The following ACSS2 variants were observed in gnomAD, a reference collection of about 807,000 sequenced individuals.
ACSS2 encodes acetyl-coenzyme A synthetase, cytoplasmic.
Under a neutral mutation model 90.6 loss-of-function variants are expected in ACSS2, and 58 were observed. The ratio of observed to expected loss-of-function variants is 0.64; its 90% CI spans 0.52 to 0.80. ACSS2 has a LOEUF of 0.80. Among genes scored for constraint, ACSS2 ranks in the 30% least tolerant of loss-of-function variants. The pLI, the probability that ACSS2 is intolerant of heterozygous loss-of-function variation, is 0.00. For synonymous variants in ACSS2, 300 were observed against 330.9 expected (o/e 0.91, Z 1.01); for missense variants, 759 against 912.0 (o/e 0.83, Z 2.16).
chr20:34,899,316 C>T (rs1365232635), intron 2 of ACSS2, among the ~76,000 whole-genome samples: 3 of 152,268 alleles, frequency 2.0e-5, no homozygotes, highest in Non-Finnish European at 4.4e-5. Context: ...GCAGAGGAGG[C>T]GCCGAGAGCG....
intron 7 of ACSS2, among the ~76,000 whole-genome samples, chr20:34,918,961 T>C (rs1324111030): frequency 1.3e-5 from 2 of 152,190 alleles, no homozygotes. Context: ...TTTCACCTCC[T>C]TCATAGATGT....
rs1334417796 is a variant in ACSS2, at chr20:34,899,419, TTTCTTTCCTTCC to T, written c.375-13673_375-13662del. ...CTTTCTTTCCTTCTTTCTTTCTTTC[TTTCTTTCCTTCC>T]TTCCTTCCTTCCTTCCTTCCTTCCT... On this transcript the variant is annotated intron_variant, in intron 2 of 17. Coordinates refer to ENST00000360596, the MANE Select transcript of ACSS2 (RefSeq NM_018677.4). 2.2e-4 allele frequency among the ~76,000 whole-genome samples: 14 copies of T among 64,978 alleles called. No individual in the cohort carries two copies. In the East Asian group the frequency reaches 5.1e-3, roughly 24 times the overall value. 42.6% of individuals were successfully genotyped at this position (64,978 alleles called of 152,430 possible). A position where few individuals can be genotyped will look rare whatever the true frequency, so the allele number is the denominator to read the frequency against.
At chr20:34,880,404 C>G (rs562151002) in intron 1 of ACSS2, among the ~76,000 whole-genome samples, 1 of 150,444 alleles carries the variant, frequency 6.6e-6, no homozygotes, top group African/African-American at 2.5e-5. Flanking sequence ...AAACAATGTG[C>G]GCCTGTAGTT....
In ACSS2 at chr20:34,915,277, G is replaced by A. The variant is rs181328971; in HGVS notation, c.834+840G>A. On this transcript the variant is annotated intron_variant, in intron 7 of 17. Transcript: ENST00000360596. Reference sequence around the variant, plus strand: ...CCCAGGTATCCATTTCTGCACTGCCGTGGGCACCGCTTCTCTGTTTGCTTG... The same window carrying A: ...CCCAGGTATCCATTTCTGCACTGCCATGGGCACCGCTTCTCTGTTTGCTTG... 3.4e-4 allele frequency: 543 copies of A among 1,613,758 alleles called. 4 individuals are homozygous for A. In the African/African-American group the frequency reaches 5.4e-3, roughly 16 times the overall value.
At chr20:34,915,963 T>A (rs2081069025) in intron 7 of ACSS2, among the ~76,000 whole-genome samples, 1 of 152,156 alleles carries the variant, frequency 6.6e-6, no homozygotes, top group Non-Finnish European at 1.5e-5. Context: ...AATGGAGAGA[T>A]GATAACACAT....
rs981928222 is a variant in ACSS2 at position 34,905,418 on chromosome 20, G to A, written c.375-7678G>A. ...CTCCCGAGTAGCTGGGACTACAGGC[G>A]CCCGCCACCACCCCCGGCTAATTTT... On this transcript the variant is annotated intron_variant, in intron 2 of 17. Transcript: ENST00000360596. 3.3e-5 allele frequency among the ~76,000 whole-genome samples: 5 copies of A among 152,006 alleles called. No individual in the cohort carries two copies. The East Asian group carries it at 5.8e-4, about 18-fold the overall frequency.
intron 2 of ACSS2, among the ~76,000 whole-genome samples, chr20:34,911,249 A>G (rs2378293): frequency 0.55 from 81,675 of 148,792 alleles, 22,973 homozygotes; most frequent in South Asian, 0.74. Flanking sequence ...GTACAGTGGC[A>G]CAATCTTGGC....
At chr20:34,923,779 CA>C (rs893577098) in intron 14 of ACSS2, among the ~76,000 whole-genome samples, 4 of 151,864 alleles carry the variant, frequency 2.6e-5, no homozygotes, top group African/African-American at 7.3e-5. Flanking sequence ...AGTACAGCAC[CA>C]AGCCATTCAT....
At position 34,914,315 on chromosome 20, in the gene ACSS2, T is replaced by A; in HGVS notation, c.720-8T>A. On this transcript the variant is annotated splice_region_variant and splice_polypyrimidine_tract_variant and intron_variant, in intron 6 of 17. Coordinates refer to ENST00000360596, the MANE Select transcript of ACSS2 (RefSeq NM_018677.4). The stretch of plus-strand genomic sequence containing the variant: ...AAGGCTACCACTTTAGGCTTTTCTC[T>A]TCTCCAGGGGTTTCCCAGTAAGATG... 6.2e-7 allele frequency: 1 copy of A among 1,611,736 alleles called. No homozygotes were observed. Among genetic ancestry groups the A allele is most frequent in the Non-Finnish European group, 8.5e-7 (1 of 1,178,724 alleles).
Position 34,920,953 on chromosome 20 carries a change from T to A in ACSS2, c.1144-53T>A, listed in dbSNP as rs368202078. On this transcript the variant is annotated intron_variant, in intron 9 of 17. Transcript: ENST00000360596. ...TGAACCTGAGGGAATGGTAGGGGGATGAATAGAAGGACTATTAGGAAAGAC... is the reference window on the plus strand; with the variant it reads ...TGAACCTGAGGGAATGGTAGGGGGAAGAATAGAAGGACTATTAGGAAAGAC... 3 of 1,609,354 alleles carry A rather than the reference T, an allele frequency of 1.9e-6. No homozygotes were observed. In the Admixed American group the frequency reaches 5.0e-5, roughly 27 times the overall value.
chr20:34,909,194 C>CAAAAAAAAAAAA (rs759144830), intron 2 of ACSS2, among the ~76,000 whole-genome samples: 1 of 45,104 alleles, frequency 2.2e-5, no homozygotes, highest in Non-Finnish European at 4.5e-5. Context: ...CCTGTCTTTG[C>CAAAAAAAAAAAA]AAAAAAAAAA....
At chr20:34,891,212 G>A (rs1297408893) in intron 2 of ACSS2, among the ~76,000 whole-genome samples, 1 of 152,046 alleles carries the variant, frequency 6.6e-6, no homozygotes, top group East Asian at 1.9e-4. Context: ...AGATATATTT[G>A]GTAAAGAAAA....
intron 2 of ACSS2, among the ~76,000 whole-genome samples, chr20:34,898,713 C>A (rs2080535440): frequency 6.6e-6 from 1 of 152,246 alleles, no homozygotes; most frequent in South Asian, 2.1e-4. Flanking sequence ...ACTTCCCCAC[C>A]AGACTCAGGA....
chr20:34,920,767 A>G, intron 9 of ACSS2, 58 bp downstream of exon 9: 7 of 1,559,900 alleles, frequency 4.5e-6, no homozygotes, highest in Non-Finnish European at 4.3e-6. Context: ...CTGGGTGACT[A>G]CCTCCCAAGG....
intron 2 of ACSS2, 114 bp from the exon 3 acceptor site, chr20:34,912,982 T>C: frequency 2.4e-6 from 2 of 826,794 alleles, no homozygotes; most frequent in Non-Finnish European, 4.2e-6. Context: ...TAGCTCATCC[T>C]CATAGAACAG....
At chr20:34,922,455 G>GT (rs2081224358) in intron 13 of ACSS2, 1 of 152,358 alleles carries the variant, frequency 6.6e-6, no homozygotes, top group East Asian at 1.9e-4. Flanking sequence ...AATACAAAAA[G>GT]TAACTGGGCG....
intron 6 of ACSS2, 35 bp from the exon 7 acceptor site, chr20:34,914,288 A>G (rs750082437): frequency 1.5e-5 from 24 of 1,606,334 alleles, no homozygotes; most frequent in Non-Finnish European, 1.9e-5. Context: ...CTTTGAGCCA[A>G]CAAGGCTACC....
At chr20:34,901,576 G>C (rs905681632) in intron 2 of ACSS2, among the ~76,000 whole-genome samples, 7 of 152,188 alleles carry the variant, frequency 4.6e-5, no homozygotes, top group Admixed American at 6.5e-5. Context: ...ATTGACTTGT[G>C]GGTATACTTA....
chr20:34,901,298 GTTGTCCAGTC>G (rs758404002), intron 2 of ACSS2, among the ~76,000 whole-genome samples: 1 of 151,780 alleles, frequency 6.6e-6, no homozygotes, highest in Non-Finnish European at 1.5e-5. Context: ...ATCTTGCTTT[GTTGTCCAGTC>G]TAGTCTCTAA....
Sources: allele counts gnomAD v4.1 joint callset (sites outside exome capture counted in the v4.1 genomes callset), GRCh38; gene constraint gnomAD v4.1.1; transcripts MANE v1.5; gene names NCBI Gene and HGNC (gene_info 2026-07-23, HGNC 2026-07-21).